The following PTPN2 variants were observed in gnomAD, a reference collection of about 807,000 sequenced individuals.
The protein encoded by PTPN2 is protein tyrosine phosphatase non-receptor type 2, also known as tyrosine-protein phosphatase non-receptor type 2.
In PTPN2, 19 loss-of-function variants were observed where a neutral mutation model predicts 57.3. The ratio of observed to expected loss-of-function variants is 0.33; its 90% CI spans 0.23 to 0.49. PTPN2 has a LOEUF of 0.49. Among genes scored for constraint, PTPN2 ranks in the 20% least tolerant of loss-of-function variants. PTPN2 has a pLI of 0.99. For synonymous variants in PTPN2, 153 were observed against 164.9 expected (o/e 0.93, Z 0.55); for missense variants, 358 against 501.1 (o/e 0.71, Z 2.73).
rs77915154 is a variant in PTPN2, at chr18:12,835,054, G to A, written c.261+1737C>T. 6.2e-4 allele frequency among the ~76,000 whole-genome samples: 95 copies of A among 152,222 alleles called. No individual in the cohort carries two copies. The East Asian group carries it at 0.017, about 27-fold the overall frequency. On this transcript the variant is annotated intron_variant, in intron 3 of 8. Transcript: ENST00000309660. Reference sequence around the variant, plus strand: ...ATGGATTTCACATCCCATGAATACCGTATTTCCGACCCGTTTTTGGTTGAA... The same window carrying A: ...ATGGATTTCACATCCCATGAATACCATATTTCCGACCCGTTTTTGGTTGAA...
intron 4 of PTPN2, among the ~76,000 whole-genome samples, chr18:12,826,548 T>C (rs1444082201): frequency 6.6e-6 from 1 of 152,212 alleles, no homozygotes; most frequent in African/African-American, 2.4e-5. Context: ...AGGCAAGCAC[T>C]GATCCATTTT....
At chr18:12,814,945 G>A (rs2145306600) in intron 6 of PTPN2, among the ~76,000 whole-genome samples, 1 of 152,068 alleles carries the variant, frequency 6.6e-6, no homozygotes, top group East Asian at 1.9e-4. Flanking sequence ...TTAGCTGGGT[G>A]TGGCGGCGCA....
At chr18:12,872,370 AAGC>A (rs1428290531) in intron 1 of PTPN2, 1 of 152,266 alleles carries the variant, frequency 6.6e-6, no homozygotes, top group East Asian at 1.9e-4. Flanking sequence ...AGGGGAATGA[AAGC>A]AGTTTGAAAA....
At chr18:12,815,540 G>T (rs1412940971) in intron 6 of PTPN2, among the ~76,000 whole-genome samples, 1 of 152,130 alleles carries the variant, frequency 6.6e-6, no homozygotes, top group African/African-American at 2.4e-5. Context: ...CTGACCTAGT[G>T]TTAGAATCCC....
chr18:12,842,681 G>A (rs2043083587), intron 2 of PTPN2, among the ~76,000 whole-genome samples: 1 of 152,210 alleles, frequency 6.6e-6, no homozygotes. Context: ...GCGGAGAGGA[G>A]CAGTCTGCAG....
At position 12,870,291 on chromosome 18, in the gene PTPN2, ATATATATGTG is replaced by A. The variant is rs2044153927; in HGVS notation, c.70-11047_70-11038del. On this transcript the variant is annotated intron_variant, in intron 1 of 8. Coordinates refer to ENST00000309660, the MANE Select transcript of PTPN2 (RefSeq NM_002828.4). ...TATATATGTATATATATACATATAC[ATATATATGTG>A]TATATATACATATATATGTGTATAT... 3.5e-5 allele frequency among the ~76,000 whole-genome samples: 2 copies of A among 57,660 alleles called. 1 individual carries two copies. The highest frequency in any genetic ancestry group is 3.2e-4 in the Admixed American group (2 of 6,344). 37.8% of individuals were successfully genotyped at this position (57,660 alleles called of 152,430 possible). A position where few individuals can be genotyped will look rare whatever the true frequency, so the allele number is the denominator to read the frequency against.
At chr18:12,870,804 C>T (rs967145298) in intron 1 of PTPN2, among the ~76,000 whole-genome samples, 5 of 151,764 alleles carry the variant, frequency 3.3e-5, no homozygotes, top group African/African-American at 7.3e-5. Flanking sequence ...CCACCGCGCC[C>T]GGCAGCACAT....
intron 8 of PTPN2, among the ~76,000 whole-genome samples, chr18:12,796,794 T>A (rs1026190412): frequency 2.6e-5 from 4 of 152,226 alleles, no homozygotes; most frequent in Non-Finnish European, 5.9e-5. Flanking sequence ...TCAGTTCTAC[T>A]CTTCAATTAT....
chr18:12,812,532 G>A (rs1598764541), intron 7 of PTPN2, among the ~76,000 whole-genome samples: 1 of 152,294 alleles, frequency 6.6e-6, no homozygotes, highest in African/African-American at 2.4e-5. Flanking sequence ...CTGGGAGGCA[G>A]AGGCTGCAGT....
chr18:12,854,705 C>T (rs970670627), intron 2 of PTPN2, among the ~76,000 whole-genome samples: 4 of 152,022 alleles, frequency 2.6e-5, no homozygotes, highest in African/African-American at 9.7e-5. Flanking sequence ...GGAAACTAGG[C>T]CCACAGCAGA....
At chr18:12,785,941 C>T in intron 9 of PTPN2, 1 of 1,088,968 alleles carries the variant, frequency 9.2e-7, no homozygotes, top group Non-Finnish European at 1.4e-6. Flanking sequence ...TAACAATGAA[C>T]TGAAAAGGTG....
At chr18:12,840,251 C>A (rs1189523034) in intron 2 of PTPN2, among the ~76,000 whole-genome samples, 1 of 152,184 alleles carries the variant, frequency 6.6e-6, no homozygotes, top group African/African-American at 2.4e-5. Flanking sequence ...AAAGCATTTT[C>A]TAGATTTGTC....
At chr18:12,874,004 C>T (rs1161010753) in intron 1 of PTPN2, among the ~76,000 whole-genome samples, 3 of 151,498 alleles carry the variant, frequency 2.0e-5, no homozygotes, top group African/African-American at 7.3e-5. Flanking sequence ...AGGAGACCCT[C>T]CACCTGGCAA....
At chr18:12,858,981 T>C (rs2043694023) in intron 2 of PTPN2, among the ~76,000 whole-genome samples, 183 bp downstream of exon 2, 1 of 152,190 alleles carries the variant, frequency 6.6e-6, no homozygotes, top group Non-Finnish European at 1.5e-5. Flanking sequence ...ATGAAATAAT[T>C]ATGGGTAATT....
intron 1 of PTPN2, 24 bp downstream of exon 1, chr18:12,884,049 C>T (rs980935578): frequency 9.6e-6 from 15 of 1,555,158 alleles, no homozygotes; most frequent in Non-Finnish European, 1.3e-5. Flanking sequence ...AGGTCGGCGA[C>T]TGCCGCGTGG....
At chr18:12,828,942 G>A (rs900472673) in intron 4 of PTPN2, among the ~76,000 whole-genome samples, 56 of 152,042 alleles carry the variant, frequency 3.7e-4, no homozygotes, top group African/African-American at 1.3e-3. Flanking sequence ...TCTGTCCCCA[G>A]GCTGGAGTGC....
In PTPN2 at chr18:12,801,997, T is replaced by A; in HGVS notation, c.1013A>T (p.Gln338Leu). The change falls in exon 8 of 9, where the codon CAA (glutamine) becomes CTA (leucine). Residue 338 changes from glutamine (Q) to leucine (L), a missense_variant. Transcript: ENST00000309660. ...DRCTGLSSKM[Q>L]DTMEENSESA... ...CTCACTGTTCTCCTCCATTGTATCT[T>A]GCATTTTAGAGGAAAGTCCTGTACA... 6.2e-7 allele frequency: 1 copy of A among 1,609,384 alleles called. No homozygotes were observed. The highest frequency in any genetic ancestry group is 8.5e-7 in the Non-Finnish European group (1 of 1,178,390).
At chr18:12,827,304 C>T (rs1001766882) in intron 4 of PTPN2, among the ~76,000 whole-genome samples, 2 of 149,244 alleles carry the variant, frequency 1.3e-5, no homozygotes, top group African/African-American at 5.0e-5. Flanking sequence ...GATAGCAGCA[C>T]TGCACTCCAG....
intron 2 of PTPN2, among the ~76,000 whole-genome samples, chr18:12,840,549 G>A (rs1400421934): frequency 6.6e-6 from 1 of 152,166 alleles, no homozygotes; most frequent in Admixed American, 6.5e-5. Context: ...AGGTTTGTGT[G>A]ACACTCGTCA....
Sources: allele counts gnomAD v4.1 joint callset (sites outside exome capture counted in the v4.1 genomes callset), GRCh38; gene constraint gnomAD v4.1.1; transcripts MANE v1.5; gene names NCBI Gene and HGNC (gene_info 2026-07-23, HGNC 2026-07-21).